SLC11A2: variants seen among roughly 807,000 people sequenced by gnomAD.
SLC11A2 encodes natural resistance-associated macrophage protein 2.
Under a neutral mutation model 68.0 loss-of-function variants are expected in SLC11A2, and 38 were observed. The observed-to-expected ratio is 0.56, with a 90% CI of 0.43 to 0.73. The LOEUF is 0.73. Among genes scored for constraint, SLC11A2 ranks in the 30% least tolerant of loss-of-function variants. The pLI, the probability that SLC11A2 is intolerant of heterozygous loss-of-function variation, is 0.00. For missense variants in SLC11A2, 517 were observed against 690.5 expected, an observed-to-expected ratio of 0.75 and a Z score of 2.82; for synonymous variants, 242 against 250.6, an observed-to-expected ratio of 0.97 and a Z score of 0.32.
chr12:50,992,482 G>A (rs191033468), intron 12 of SLC11A2, 143 bp from the exon 13 acceptor site: 10 of 789,218 alleles, frequency 1.3e-5, no homozygotes, highest in African/African-American at 3.5e-5. Flanking sequence ...TGTAATCCCA[G>A]CACTTTGAGA....
the SLC11A2 span, chr12:50,953,945 T>G: frequency 9.3e-7 from 1 of 1,077,034 alleles, no homozygotes; most frequent in Non-Finnish European, 1.4e-6. Context: ...AAACAAATTA[T>G]TTTTAATGAT....
intron 1 of SLC11A2, among the ~76,000 whole-genome samples, chr12:51,021,593 C>T (rs1311696910): frequency 6.6e-6 from 1 of 150,970 alleles, no homozygotes; most frequent in East Asian, 1.9e-4. Flanking sequence ...CACCACTGCT[C>T]TCCAGCCTGG....
intron 8 of SLC11A2, 143 bp from the exon 9 acceptor site, chr12:50,997,115 T>C: frequency 1.4e-6 from 1 of 717,476 alleles, no homozygotes. Context: ...TCTTGCTCTG[T>C]CACCCAGGCT....
At chr12:51,028,167 G>C (rs17125245), upstream of SLC11A2, 8,167 of 1,525,186 alleles carry the variant, frequency 5.4e-3, 399 homozygotes, top group African/African-American at 0.1. Flanking sequence ...AGCTTCCCTG[G>C]GCTACTTACT....
At chr12:51,027,534 C>T (rs114987062), upstream of SLC11A2, among the ~76,000 whole-genome samples, 2 of 152,022 alleles carry the variant, frequency 1.3e-5, no homozygotes, top group Non-Finnish European at 2.9e-5. Flanking sequence ...CCAGCTGACT[C>T]GATTCTCCCC....
chr12:50,982,257 C>G (rs1441162701), downstream of SLC11A2, among the ~76,000 whole-genome samples: 1 of 150,444 alleles, frequency 6.6e-6, no homozygotes, highest in East Asian at 1.9e-4. Flanking sequence ...ATGGCATGTA[C>G]CAAGAGGGAG....
intron 10 of SLC11A2, among the ~76,000 whole-genome samples, chr12:50,995,403 G>A (rs1005331493): frequency 5.3e-5 from 8 of 152,186 alleles, no homozygotes; most frequent in African/African-American, 7.2e-5. Flanking sequence ...TCTGTTTTCT[G>A]TTTGTTGACT....
the SLC11A2 span, among the ~76,000 whole-genome samples, chr12:50,959,930 A>G: frequency 2.6e-5 from 4 of 152,202 alleles, no homozygotes; most frequent in Admixed American, 1.3e-4. Flanking sequence ...GATTACAGGC[A>G]TGAGCCACTG....
chr12:50,978,882 T>G (rs1408420250), downstream of SLC11A2, among the ~76,000 whole-genome samples: 1 of 152,216 alleles, frequency 6.6e-6, no homozygotes, highest in African/African-American at 2.4e-5. Context: ...CTGCCTCTGT[T>G]ACTAATGAAA....
intron 9 of SLC11A2, among the ~76,000 whole-genome samples, chr12:50,996,015 A>C (rs1237389796): frequency 6.6e-6 from 1 of 152,184 alleles, no homozygotes; most frequent in Non-Finnish European, 1.5e-5. Context: ...CATTCCCCAA[A>C]TAGGGAACAG....
chr12:50,961,059 G>C, the SLC11A2 span: 2 of 1,612,484 alleles, frequency 1.2e-6, no homozygotes, highest in Admixed American at 1.7e-5. Flanking sequence ...TTATTCACAT[G>C]AGAGTTGCTG....
At chr12:51,007,651 T>C (rs1372542313) in intron 3 of SLC11A2, among the ~76,000 whole-genome samples, 1 of 149,006 alleles carries the variant, frequency 6.7e-6, no homozygotes. Flanking sequence ...GTTTTGGTTT[T>C]CGTTTTTGAG....
chr12:51,027,338 CA>C (rs34714880), upstream of SLC11A2, among the ~76,000 whole-genome samples: 4 of 150,410 alleles, frequency 2.7e-5, no homozygotes, highest in South Asian at 2.1e-4. Context: ...AACCCTGTCT[CA>C]AAAAAAAAGG....
At chr12:50,977,570 C>T (rs539591465), downstream of SLC11A2, among the ~76,000 whole-genome samples, 84 of 152,232 alleles carry the variant, frequency 5.5e-4, no homozygotes, top group African/African-American at 1.9e-3. Context: ...CATTACCATT[C>T]AGGACATAGG....
At chr12:50,971,599 G>A in the SLC11A2 span, among the ~76,000 whole-genome samples, 22 of 152,282 alleles carry the variant, frequency 1.4e-4, no homozygotes, top group African/African-American at 3.1e-4. Context: ...CTTGGACTCC[G>A]CTCTAACTGC....
rs1414164826 is a variant in SLC11A2, at chr12:50,986,139, T to C, written c.*2186A>G. 4 of 1,286,330 alleles carry C rather than the reference T, an allele frequency of 3.1e-6. No homozygotes were observed. The highest frequency in any genetic ancestry group is 2.5e-5 in the South Asian group (2 of 80,854). The allele number at this position is 1,286,330 out of a possible 1,614,324, so 79.7% of individuals were successfully genotyped here. ...TCCCTTTTCCCCTGTTAATTTCCAGTATAATGTAGCAGCACAATTATTTCA... is the reference window on the plus strand; with the variant it reads ...TCCCTTTTCCCCTGTTAATTTCCAGCATAATGTAGCAGCACAATTATTTCA... On this transcript the variant is annotated 3_prime_UTR_variant, in exon 16 of 16. Coordinates refer to ENST00000262052, the MANE Select transcript of SLC11A2 (RefSeq NM_000617.3).
At position 50,991,677 on chromosome 12, in the gene SLC11A2, A is replaced by G; in HGVS notation, c.1348-5T>C. 3.1e-6 allele frequency: 5 copies of G among 1,612,718 alleles called. No homozygotes were observed. In the East Asian group the frequency reaches 1.1e-4, roughly 36 times the overall value. On this transcript the variant is annotated splice_region_variant and splice_polypyrimidine_tract_variant and intron_variant, in intron 13 of 15. Transcript: ENST00000262052. The stretch of plus-strand genomic sequence containing the variant: ...GGGTATGAGAGCAAAGGGAAGCTGG[A>G]AAAGAAAGAAGATCAGATGGGATTA...
intron 1 of SLC11A2, among the ~76,000 whole-genome samples, chr12:51,020,012 T>A (rs1333408377): frequency 6.6e-6 from 1 of 152,168 alleles, no homozygotes; most frequent in Non-Finnish European, 1.5e-5. Context: ...AGAATAGACA[T>A]GTGAATTTCC....
intron 5 of SLC11A2, 133 bp from the exon 6 acceptor site, chr12:51,000,552 C>G: frequency 1.4e-6 from 1 of 714,916 alleles, no homozygotes; most frequent in Non-Finnish European, 2.5e-6. Context: ...AGAAGAAATA[C>G]CAGAACGTGC....
Sources: allele counts gnomAD v4.1 joint callset (sites outside exome capture counted in the v4.1 genomes callset), GRCh38; gene constraint gnomAD v4.1.1; transcripts MANE v1.5; gene names NCBI Gene and HGNC (gene_info 2026-07-23, HGNC 2026-07-21).